RAMP1: variants seen among roughly 807,000 people sequenced by gnomAD.
RAMP1 encodes the protein receptor activity-modifying protein 1.
Under a neutral mutation model 8.2 loss-of-function variants are expected in RAMP1, and 7 were observed. That is an observed-to-expected ratio of 0.85 (90% CI 0.49 to 1.60). The LOEUF (loss-of-function observed/expected upper bound fraction) is 1.60, where lower values mean the gene tolerates loss of function less well. Among genes scored for constraint, RAMP1 ranks in the 40% most tolerant of loss-of-function variants. RAMP1 has a pLI of 0.00. For missense variants in RAMP1, 192 were observed against 202.4 expected, an observed-to-expected ratio of 0.95 and a Z score of 0.31; for synonymous variants, 92 against 84.7, an observed-to-expected ratio of 1.09 and a Z score of -0.47.
intron 2 of RAMP1, among the ~76,000 whole-genome samples, chr2:237,897,019 GA>G (rs1421764536): frequency 6.6e-6 from 1 of 152,228 alleles, no homozygotes. Flanking sequence ...TGTCCGTGGG[GA>G]TGGTGGGGTC....
In RAMP1 at chr2:237,911,806, G is replaced by A. The variant is rs767717585; in HGVS notation, c.*23G>A. On this transcript the variant is annotated 3_prime_UTR_variant, in exon 3 of 3. Coordinates refer to ENST00000254661, the MANE Select transcript of RAMP1 (RefSeq NM_005855.4). ...TAGGCGGGGCCCAGGCTGCCCGCGG[G>A]TGCACCCAGGCTGCAGGGTGAGGCC... is the stretch of plus-strand genomic sequence containing the variant. 39 of 1,572,280 alleles carry A rather than the reference G, an allele frequency of 2.5e-5. No homozygotes were observed. Among genetic ancestry groups the A allele is most frequent in the Non-Finnish European group, 3.1e-5 (36 of 1,157,316 alleles).
chr2:237,903,467 G>A (rs113137599), intron 2 of RAMP1, among the ~76,000 whole-genome samples: 44 of 152,208 alleles, frequency 2.9e-4, no homozygotes, highest in Non-Finnish European at 5.0e-4. Flanking sequence ...TCTTCCCTGA[G>A]GATTGCTATG....
intron 2 of RAMP1, among the ~76,000 whole-genome samples, chr2:237,888,826 C>CA (rs2062461464): frequency 6.6e-6 from 1 of 152,102 alleles, no homozygotes. Flanking sequence ...GGCTGGAGTG[C>CA]AGCGGCACAA....
At chr2:237,863,837 G>A (rs2151001647) in intron 1 of RAMP1, among the ~76,000 whole-genome samples, 1 of 152,044 alleles carries the variant, frequency 6.6e-6, no homozygotes, top group South Asian at 2.1e-4. Flanking sequence ...GTCACATGGT[G>A]GATTCTCTGG....
chr2:237,875,516 G>A (rs1244752542), intron 1 of RAMP1, among the ~76,000 whole-genome samples: 1 of 152,124 alleles, frequency 6.6e-6, no homozygotes, highest in African/African-American at 2.4e-5. Context: ...AGTGAGGTGG[G>A]GGGACTCTGT....
At chr2:237,907,776 C>T (rs1246688607) in intron 2 of RAMP1, among the ~76,000 whole-genome samples, 1 of 152,202 alleles carries the variant, frequency 6.6e-6, no homozygotes, top group East Asian at 1.9e-4. Context: ...GTTACAACAT[C>T]TAGGTCGTCT....
At chr2:237,879,987 C>A (rs1208027154) in intron 2 of RAMP1, among the ~76,000 whole-genome samples, 1 of 60,090 alleles carries the variant, frequency 1.7e-5, no homozygotes, top group Admixed American at 1.5e-4. Context: ...GAGACTTTGT[C>A]TCAAAAAAAA....
At chr2:237,880,917 A>G (rs757776434) in intron 2 of RAMP1, among the ~76,000 whole-genome samples, 17 of 152,148 alleles carry the variant, frequency 1.1e-4, no homozygotes, top group Non-Finnish European at 1.8e-4. Context: ...ATAAAGCTAT[A>G]ATCATCACAC....
At chr2:237,880,766 C>G (rs2062361066) in intron 2 of RAMP1, among the ~76,000 whole-genome samples, 1 of 152,156 alleles carries the variant, frequency 6.6e-6, no homozygotes, top group Admixed American at 6.5e-5. Flanking sequence ...TGAGGCCCCA[C>G]CCCCAGCATC....
intron 2 of RAMP1, among the ~76,000 whole-genome samples, chr2:237,899,733 TTTG>T (rs923855164): frequency 3.9e-5 from 6 of 152,154 alleles, no homozygotes; most frequent in African/African-American, 1.4e-4. Flanking sequence ...GGGATCAGGG[TTTG>T]TTAACTTTTT....
chr2:237,880,790 T>A (rs1559942335), intron 2 of RAMP1, among the ~76,000 whole-genome samples: 1 of 152,140 alleles, frequency 6.6e-6, no homozygotes, highest in Non-Finnish European at 1.5e-5. Context: ...GATTATCCCC[T>A]TTACTTAAAG....
At chr2:237,860,864 T>C (rs191740457) in intron 1 of RAMP1, among the ~76,000 whole-genome samples, 29 of 152,286 alleles carry the variant, frequency 1.9e-4, no homozygotes, top group Admixed American at 2.6e-4. Context: ...TGTTCCCTAT[T>C]TGTAAACCTC....
intron 2 of RAMP1, among the ~76,000 whole-genome samples, chr2:237,881,137 C>G (rs1328533873): frequency 6.6e-6 from 1 of 152,184 alleles, no homozygotes; most frequent in Non-Finnish European, 1.5e-5. Flanking sequence ...ACATCCCCTT[C>G]TTTCTTATAT....
chr2:237,886,624 C>T (rs2062435839), intron 2 of RAMP1, among the ~76,000 whole-genome samples: 1 of 152,186 alleles, frequency 6.6e-6, no homozygotes, highest in African/African-American at 2.4e-5. Context: ...TTGTCATCCT[C>T]AGCACATCTT....
chr2:237,886,585 G>A (rs1191541676), intron 2 of RAMP1, among the ~76,000 whole-genome samples: 1 of 152,142 alleles, frequency 6.6e-6, no homozygotes, highest in African/African-American at 2.4e-5. Flanking sequence ...GCGACTGCTG[G>A]CCTCACCCCT....
At position 237,859,829 on chromosome 2, in the gene RAMP1, G is replaced by A. The variant is rs1317236906; in HGVS notation, c.52+102G>A. 18 of 1,092,112 alleles carry A rather than the reference G, an allele frequency of 1.6e-5. 1 individual carries two copies. The South Asian group carries it at 3.0e-4, about 18-fold the overall frequency. The allele number at this position is 1,092,112 out of a possible 1,614,324, so 67.7% of individuals were successfully genotyped here. A position where few individuals can be genotyped will look rare whatever the true frequency, so the allele number is the denominator to read the frequency against. On this transcript the variant is annotated intron_variant, in intron 1 of 2. Coordinates refer to ENST00000254661, the MANE Select transcript of RAMP1 (RefSeq NM_005855.4). ...GGGTGGGAGCGGGTGGGAGCGGGTGGGGGCGGGCGCCGCGGGCGCACAGAT... is the reference window on the plus strand; with the variant it reads ...GGGTGGGAGCGGGTGGGAGCGGGTGAGGGCGGGCGCCGCGGGCGCACAGAT...
chr2:237,886,121 G>A (rs770332727), intron 2 of RAMP1, among the ~76,000 whole-genome samples: 7 of 152,188 alleles, frequency 4.6e-5, no homozygotes, highest in African/African-American at 9.6e-5. Flanking sequence ...CCGGGGTGCC[G>A]GGTCCCCATG....
intron 1 of RAMP1, among the ~76,000 whole-genome samples, chr2:237,875,310 A>C (rs2062291310): frequency 6.6e-6 from 1 of 152,150 alleles, no homozygotes; most frequent in Non-Finnish European, 1.5e-5. Flanking sequence ...TGGTATGGAC[A>C]TGGTGGGGAC....
chr2:237,907,963 G>C (rs975502629), intron 2 of RAMP1, among the ~76,000 whole-genome samples: 1 of 152,232 alleles, frequency 6.6e-6, no homozygotes, highest in African/African-American at 2.4e-5. Flanking sequence ...CTGTCAGACC[G>C]TTAGTGTGGG....
Sources: allele counts gnomAD v4.1 joint callset (sites outside exome capture counted in the v4.1 genomes callset), GRCh38; gene constraint gnomAD v4.1.1; transcripts MANE v1.5; gene names NCBI Gene and HGNC (gene_info 2026-07-23, HGNC 2026-07-21).